KAT6A: variants seen among roughly 807,000 people sequenced by gnomAD.
KAT6A encodes the protein lysine acetyltransferase 6A, also known as histone acetyltransferase KAT6A.
A neutral mutation model predicts 198.4 loss-of-function variants in KAT6A; 9 were observed. That is an observed-to-expected ratio of 0.05 (90% CI 0.03 to 0.08). KAT6A has a LOEUF of 0.08. Among genes scored for constraint, KAT6A ranks in the 10% least tolerant of loss-of-function variants. KAT6A has a pLI of 1.00. For missense variants in KAT6A, 2,077 were observed against 2,509.9 expected (o/e 0.83, Z 3.69); for synonymous variants, 890 against 883.0 (o/e 1.01, Z -0.14).
intron 7 of KAT6A, 54 bp from the exon 8 acceptor site, chr8:41,974,876 C>A: frequency 1.8e-6 from 2 of 1,119,872 alleles, no homozygotes; most frequent in South Asian, 1.5e-5. Flanking sequence ...AATACATGAA[C>A]TAGAAAAAAT....
intron 10 of KAT6A, 33 bp downstream of exon 10, chr8:41,949,189 G>T: frequency 7.0e-7 from 1 of 1,432,454 alleles, no homozygotes; most frequent in Non-Finnish European, 9.2e-7. Context: ...TTATGAAATG[G>T]ATGAGAGGAC....
intron 2 of KAT6A, among the ~76,000 whole-genome samples, chr8:42,000,406 C>T (rs73628553): frequency 0.02 from 2,973 of 151,926 alleles, 86 homozygotes; most frequent in African/African-American, 0.067. Flanking sequence ...CAAAAATTAG[C>T]GGGGTGTGGT....
chr8:41,957,330 C>T, intron 8 of KAT6A: 1 of 551,336 alleles, frequency 1.8e-6, no homozygotes, highest in Non-Finnish European at 3.7e-6. Context: ...AGGGTGTTTC[C>T]TTTTACGAAG....
Position 41,934,011 on chromosome 8 carries a change from C to G in KAT6A, c.4209G>C (p.Lys1403Asn), listed in dbSNP as rs1465664037. ...CCTCTTTTAATTCGATTAACTCTTC[C>G]TTAGTGTGGGAGTCTTCTTCGTGGT... ...EDDHEEDSHT[K>N]EELIELKEEE... The change falls in exon 17 of 17, where the codon AAG (lysine) becomes AAC (asparagine). Residue 1403 changes from lysine (K) to asparagine (N), a missense_variant. This residue lies in a region of KAT6A where 178 missense variants were observed against 220.8 expected (regional missense o/e 0.81). Coordinates refer to ENST00000265713, the MANE Select transcript of KAT6A (RefSeq NM_006766.5). The G allele has an allele frequency of 6.2e-7, 1 of 1,614,092 alleles. No homozygotes were observed. The highest frequency in any genetic ancestry group is 8.5e-7 in the Non-Finnish European group (1 of 1,180,026).
chr8:42,036,109 A>T (rs912033284), intron 2 of KAT6A, among the ~76,000 whole-genome samples: 6 of 152,148 alleles, frequency 3.9e-5, no homozygotes, highest in African/African-American at 1.4e-4. Context: ...CAATGAGCTC[A>T]ATTGGACAGA....
At chr8:42,040,735 CAAAAAA>C (rs59959496) in intron 2 of KAT6A, among the ~76,000 whole-genome samples, 4,689 of 54,490 alleles carry the variant, frequency 0.086, 127 homozygotes, top group South Asian at 0.26. Context: ...GACTCTGTCT[CAAAAAA>C]AAAAAAAAAA....
chr8:41,967,257 C>CTT (rs72258027), intron 8 of KAT6A, among the ~76,000 whole-genome samples: 162 of 147,230 alleles, frequency 1.1e-3, no homozygotes, highest in Middle Eastern at 3.4e-3. Context: ...ACGCGTCTTT[C>CTT]TTTTTTTAAA....
chr8:42,013,288 G>A (rs983175390), intron 2 of KAT6A, among the ~76,000 whole-genome samples: 5 of 146,472 alleles, frequency 3.4e-5, no homozygotes, highest in East Asian at 4.0e-4. Context: ...ATGGAGTCTC[G>A]CTCTGTTGCC....
chr8:41,970,267 T>G (rs766028539), intron 8 of KAT6A, among the ~76,000 whole-genome samples: 1 of 152,196 alleles, frequency 6.6e-6, no homozygotes, highest in African/African-American at 2.4e-5. Flanking sequence ...AAAATAAGCA[T>G]GAACTAGACT....
At chr8:41,993,797 CA>C (rs990205059) in intron 2 of KAT6A, among the ~76,000 whole-genome samples, 28 of 152,148 alleles carry the variant, frequency 1.8e-4, no homozygotes, top group Non-Finnish European at 4.0e-4. Context: ...ATTTGTTTTA[CA>C]ATATGCCAAA....
intron 2 of KAT6A, among the ~76,000 whole-genome samples, chr8:42,025,067 GTATA>G (rs1826735674): frequency 6.6e-6 from 1 of 152,104 alleles, no homozygotes; most frequent in South Asian, 2.1e-4. Flanking sequence ...TCACAACGAT[GTATA>G]AGAGTTCCCT....
At chr8:42,009,856 C>T (rs1198323054) in intron 2 of KAT6A, among the ~76,000 whole-genome samples, 1 of 126,496 alleles carries the variant, frequency 7.9e-6, no homozygotes, top group Non-Finnish European at 1.6e-5. Context: ...GCCATGATCA[C>T]AGCACCTACA....
chr8:41,990,313 A>AT (rs1824871579), intron 2 of KAT6A, among the ~76,000 whole-genome samples: 2 of 152,248 alleles, frequency 1.3e-5, no homozygotes, highest in Admixed American at 1.3e-4. Flanking sequence ...AAAAGAAGAT[A>AT]AAAGATATTA....
chr8:41,992,962 G>A (rs371339611), intron 2 of KAT6A, among the ~76,000 whole-genome samples: 3 of 152,218 alleles, frequency 2.0e-5, no homozygotes, highest in African/African-American at 7.2e-5. Flanking sequence ...CTTCAAACAT[G>A]TGTCTTTATC....
intron 8 of KAT6A, chr8:41,957,161 A>G (rs924405177): frequency 3.4e-6 from 2 of 596,522 alleles, no homozygotes; most frequent in Non-Finnish European, 6.7e-6. Context: ...CTGTTTGCAC[A>G]TCACCACAAC....
intron 2 of KAT6A, among the ~76,000 whole-genome samples, chr8:42,024,862 G>A (rs1007330758): frequency 3.3e-5 from 5 of 151,990 alleles, no homozygotes; most frequent in Non-Finnish European, 7.4e-5. Flanking sequence ...AGATACTTAG[G>A]TTGATTCCAT....
At chr8:41,969,160 T>C (rs937340931) in intron 8 of KAT6A, among the ~76,000 whole-genome samples, 1 of 152,158 alleles carries the variant, frequency 6.6e-6, no homozygotes, top group Admixed American at 6.5e-5. Context: ...TAATATTAAT[T>C]CCTTTATCAT....
intron 8 of KAT6A, among the ~76,000 whole-genome samples, chr8:41,966,783 A>G (rs1318174618): frequency 4.6e-5 from 7 of 152,144 alleles, no homozygotes; most frequent in Non-Finnish European, 5.9e-5. Context: ...CACTTAGCAC[A>G]TGCCTAATGA....
In KAT6A at chr8:41,977,233, C is replaced by CTGA. The variant is rs780076659; in HGVS notation, c.1135_1137dup (p.Ser379dup). 23 of 1,614,154 alleles carry CTGA rather than the reference C, an allele frequency of 1.4e-5. No individual in the cohort carries two copies. In the South Asian group the frequency reaches 1.5e-4, roughly 11 times the overall value. The stretch of plus-strand genomic sequence containing the variant: ...TCTATCCGCTCTAAATATCCTTCTT[C>CTGA]TGATGATGATGATGCTGATTGGCTG... On this transcript the variant is annotated inframe_insertion, in exon 7 of 17. Coordinates refer to ENST00000265713, the MANE Select transcript of KAT6A (RefSeq NM_006766.5).
Sources: gnomAD v4.1 joint callset for allele counts (sites outside exome capture counted in the v4.1 genomes callset) on GRCh38, gnomAD v4.1.1 for gene constraint, gnomAD v4.1.1 regional missense constraint, MANE v1.5 for transcripts, NCBI Gene and HGNC (gene_info 2026-07-23, HGNC 2026-07-21) for gene names.